The following GAP43 variants were observed in gnomAD, a reference collection of about 807,000 sequenced individuals.
GAP43 encodes the protein growth associated protein 43.
Under a neutral mutation model 18.6 loss-of-function variants are expected in GAP43, and 6 were observed. That is an observed-to-expected ratio of 0.32 (90% CI 0.18 to 0.64). The LOEUF (loss-of-function observed/expected upper bound fraction) is 0.64. Among genes scored for constraint, GAP43 ranks in the 30% least tolerant of loss-of-function variants. GAP43 has a pLI of 0.78. For missense variants in GAP43, 292 were observed against 295.5 expected, an observed-to-expected ratio of 0.99 and a Z score of 0.09; for synonymous variants, 115 against 111.4, an observed-to-expected ratio of 1.03 and a Z score of -0.20.
chr3:115,660,451 C>A (rs1310140762), intron 1 of GAP43, among the ~76,000 whole-genome samples: 2 of 152,166 alleles, frequency 1.3e-5, no homozygotes, highest in African/African-American at 4.8e-5. Flanking sequence ...TCTTAAATCT[C>A]CTAGTCAACT....
intron 2 of GAP43, among the ~76,000 whole-genome samples, chr3:115,699,921 C>A (rs779057473): frequency 2.6e-5 from 4 of 152,104 alleles, no homozygotes; most frequent in Non-Finnish European, 5.9e-5. Flanking sequence ...TGTAATTTCT[C>A]TTTCTATGAT....
intron 2 of GAP43, among the ~76,000 whole-genome samples, chr3:115,686,111 A>G (rs1214249747): frequency 1.3e-5 from 2 of 152,222 alleles, no homozygotes; most frequent in Non-Finnish European, 2.9e-5. Context: ...AGCAGTTGGG[A>G]AGAAGTGCTA....
At chr3:115,646,907 C>A (rs1324785797) in intron 1 of GAP43, among the ~76,000 whole-genome samples, 1 of 151,956 alleles carries the variant, frequency 6.6e-6, no homozygotes, top group Non-Finnish European at 1.5e-5. Flanking sequence ...ATTTCCTGAA[C>A]CCCTACAATG....
chr3:115,623,605 C>A lies in GAP43; in HGVS notation c.-85C>A. On this transcript the variant is annotated 5_prime_UTR_variant, in exon 1 of 3. Transcript: ENST00000305124. ...GCGAGAGAGCGAGTGAGCAAGCGAG[C>A]AGAAAAGAGGTGGAGAGGGGGGGAA... is the stretch of plus-strand genomic sequence containing the variant. The A allele has an allele frequency of 6.4e-7, 1 of 1,552,700 alleles. No homozygotes were observed. Among genetic ancestry groups the A allele is most frequent in the Non-Finnish European group, 8.9e-7 (1 of 1,128,822 alleles).
At chr3:115,667,168 C>A (rs573765810) in intron 1 of GAP43, among the ~76,000 whole-genome samples, 1 of 152,060 alleles carries the variant, frequency 6.6e-6, no homozygotes, top group Non-Finnish European at 1.5e-5. Context: ...ACTATTTTAG[C>A]CACTGAAGCT....
intron 1 of GAP43, among the ~76,000 whole-genome samples, chr3:115,654,159 T>C (rs1184244356): frequency 6.6e-6 from 1 of 152,190 alleles, no homozygotes; most frequent in African/African-American, 2.4e-5. Context: ...TTCAATTGTT[T>C]TCACTTTAAT....
chr3:115,631,204 T>C (rs1223715459), intron 1 of GAP43, among the ~76,000 whole-genome samples: 2 of 152,228 alleles, frequency 1.3e-5, no homozygotes, highest in African/African-American at 4.8e-5. Context: ...AGATCTTATT[T>C]TCTTAGATGT....
intron 1 of GAP43, chr3:115,663,581 T>C (rs1320007910): frequency 7.6e-7 from 1 of 1,307,778 alleles, no homozygotes; most frequent in Non-Finnish European, 9.7e-7. Context: ...ATTTTCCCTG[T>C]CAAAATCTTC....
intron 1 of GAP43, among the ~76,000 whole-genome samples, chr3:115,646,608 A>C (rs114566663): frequency 0.024 from 3,605 of 152,146 alleles, 135 homozygotes; most frequent in African/African-American, 0.08. Flanking sequence ...AAATAGAGGA[A>C]AGCAGAAGTA....
chr3:115,630,997 C>A (rs1360705281), intron 1 of GAP43, among the ~76,000 whole-genome samples: 2 of 152,284 alleles, frequency 1.3e-5, no homozygotes, highest in East Asian at 1.9e-4. Context: ...GACAGACGAC[C>A]ATTTCTGATT....
chr3:115,650,090 T>C (rs1422325414), intron 1 of GAP43, among the ~76,000 whole-genome samples: 1 of 152,170 alleles, frequency 6.6e-6, no homozygotes, highest in Non-Finnish European at 1.5e-5. Context: ...CCTCAGATGA[T>C]TATGATGCTT....
chr3:115,691,838 T>A (rs1709119117), intron 2 of GAP43, among the ~76,000 whole-genome samples: 1 of 152,190 alleles, frequency 6.6e-6, no homozygotes, highest in South Asian at 2.1e-4. Flanking sequence ...CTTCATGTAA[T>A]TTGTCCCTCA....
At chr3:115,647,074 A>G (rs1425661779) in intron 1 of GAP43, among the ~76,000 whole-genome samples, 1 of 152,010 alleles carries the variant, frequency 6.6e-6, no homozygotes, top group African/African-American at 2.4e-5. Context: ...GATTACTATC[A>G]CTGAGATAGT....
chr3:115,635,319 C>A (rs1708314344), intron 1 of GAP43, among the ~76,000 whole-genome samples: 1 of 152,000 alleles, frequency 6.6e-6, no homozygotes, highest in Non-Finnish European at 1.5e-5. Context: ...TTGAAAGACA[C>A]AAGGTGGTAG....
intron 2 of GAP43, 31 bp from the exon 3 acceptor site, chr3:115,720,763 T>TC: frequency 2.7e-6 from 4 of 1,484,172 alleles, no homozygotes; most frequent in Non-Finnish European, 3.8e-6. Context: ...TCTCTCCTTT[T>TC]CCCCCCATCC....
At chr3:115,711,546 A>G (rs993795981) in intron 2 of GAP43, among the ~76,000 whole-genome samples, 6 of 152,146 alleles carry the variant, frequency 3.9e-5, no homozygotes, top group Middle Eastern at 3.2e-3. Flanking sequence ...AAAAATTCCT[A>G]GGTTGAAATG....
At chr3:115,686,410 TG>T (rs1439436140) in intron 2 of GAP43, among the ~76,000 whole-genome samples, 1 of 152,220 alleles carries the variant, frequency 6.6e-6, no homozygotes, top group Non-Finnish European at 1.5e-5. Context: ...AGTTTAGAAT[TG>T]GTATTCTTGT....
At chr3:115,666,020 G>A (rs1217009640) in intron 1 of GAP43, among the ~76,000 whole-genome samples, 1 of 151,944 alleles carries the variant, frequency 6.6e-6, no homozygotes, top group Non-Finnish European at 1.5e-5. Context: ...GTGTGTGTGT[G>A]TGTGTGTGTG....
At chr3:115,705,886 G>T (rs889328815) in intron 2 of GAP43, among the ~76,000 whole-genome samples, 1 of 152,092 alleles carries the variant, frequency 6.6e-6, no homozygotes, top group Non-Finnish European at 1.5e-5. Flanking sequence ...AAAATCCTTC[G>T]TGGAGGGTGG....
Sources: allele counts gnomAD v4.1 joint callset (sites outside exome capture counted in the v4.1 genomes callset), GRCh38; gene constraint gnomAD v4.1.1; transcripts MANE v1.5; gene names NCBI Gene and HGNC (gene_info 2026-07-23, HGNC 2026-07-21).